Variants in MAK observed in about 807,000 individuals in gnomAD.
MAK encodes the protein serine/threonine-protein kinase MAK.
MAK carries 65 observed loss-of-function variants against 82.6 expected under a neutral mutation model. The observed-to-expected ratio is 0.79, with a 90% confidence interval of 0.64 to 0.97. The LOEUF (loss-of-function observed/expected upper bound fraction) is 0.97. Among genes scored for constraint, MAK ranks in the 50% least tolerant of loss-of-function variants. MAK has a pLI of 0.00. For missense variants in MAK, 703 were observed against 780.2 expected, an observed-to-expected ratio of 0.90 and a Z score of 1.18; for synonymous variants, 250 against 274.2, an observed-to-expected ratio of 0.91 and a Z score of 0.87.
chr6:10,764,576 C>A lies in MAK; in HGVS notation c.1823G>T (p.Gly608Val). The A allele has an allele frequency of 6.2e-7, 1 of 1,613,924 alleles. No individual in the cohort carries two copies. The highest frequency in any genetic ancestry group is 8.5e-7 in the Non-Finnish European group (1 of 1,179,908). ...ATTATAAGTACGTCCTGAAAACTGC[C>A]CCCGACCAGTTTTTGTGTTCCAGGT... ...EYTWNTKTGRGQFSGRTYNPT... is the reference protein window; with the variant it reads ...EYTWNTKTGRVQFSGRTYNPT... The change falls in exon 15 of 15, where the codon GGG becomes GTG. Residue 608 changes from glycine (G) to valine (V), a missense_variant. Physicochemically the swap from Gly to Val is moderately radical, Grantham distance 109 (BLOSUM62 -3). Coordinates refer to ENST00000354489, the MANE Select transcript of MAK (RefSeq NM_001242957.3).
At chr6:10,817,771 C>T in intron 4 of MAK, 79 bp downstream of exon 4, 1 of 1,167,402 alleles carries the variant, frequency 8.6e-7, no homozygotes, top group South Asian at 1.3e-5. Flanking sequence ...CAATCTTTCT[C>T]TCATAAAGTA....
rs1157340019 is a variant in MAK at position 10,800,046 on chromosome 6, TCAAAAACAAAAA to T, written c.831+1834_831+1845del. ...CTGGGCGATGGAGCGAGACTCCGTTTCAAAAACAAAAACAAAAACAAAAAAAAACTAAACAAA... is the reference window on the plus strand; with the variant it reads ...CTGGGCGATGGAGCGAGACTCCGTTTCAAAAACAAAAAAAAACTAAACAAA... On this transcript the variant is annotated intron_variant, in intron 8 of 14. Coordinates refer to ENST00000354489, the MANE Select transcript of MAK (RefSeq NM_001242957.3). The surrounding 1 kb of genome is among the most constrained non-coding windows in gnomAD (Gnocchi z 4.2). 6.9e-6 allele frequency among the ~76,000 whole-genome samples: 1 copy of T among 144,302 alleles called. No individual in the cohort carries two copies. The highest frequency in any genetic ancestry group is 1.5e-5 in the Non-Finnish European group (1 of 66,464). The allele number at this position is 144,302 out of a possible 152,430, so 94.7% of individuals were successfully genotyped here. A position where few individuals can be genotyped will look rare whatever the true frequency, so the allele number is the denominator to read the frequency against.
intron 11 of MAK, among the ~76,000 whole-genome samples, chr6:10,783,551 C>T (rs1171782150): frequency 6.6e-6 from 1 of 152,176 alleles, no homozygotes; most frequent in Non-Finnish European, 1.5e-5. Flanking sequence ...CTATTGGTTC[C>T]AGTACCAAAA....
rs554384547 is a variant in MAK, at chr6:10,804,748, T to C, written c.492-857A>G. On this transcript the variant is annotated intron_variant, in intron 6 of 14. Coordinates refer to ENST00000354489, the MANE Select transcript of MAK (RefSeq NM_001242957.3). ...TGGAAGACACTCTCAATTCTCTTTT[T>C]TTCCAACCAAAATGTGTAAATATTT... Among the ~76,000 whole-genome samples, 368 of 152,334 alleles carry C rather than the reference T, an allele frequency of 2.4e-3. 2 individuals carry two copies. Among genetic ancestry groups the C allele is most frequent in the Non-Finnish European group, 4.4e-3 (300 of 68,032 alleles).
chr6:10,830,801 C>A lies in MAK; in HGVS notation c.-153G>T. The A allele has an allele frequency of 1.4e-6, 1 of 693,564 alleles. No homozygotes were observed. The highest frequency in any genetic ancestry group is 1.5e-5 in the South Asian group (1 of 65,924). The allele number at this position is 693,564 out of a possible 1,614,324, so 43.0% of individuals were successfully genotyped here. On this transcript the variant is annotated 5_prime_UTR_variant, in exon 2 of 15. Coordinates refer to ENST00000354489, the MANE Select transcript of MAK (RefSeq NM_001242957.3). ...GTCATCATTAAATATAGTCTCTCCC[C>A]CAAGATTACAGAGGTTCATGAGATA...
At chr6:10,813,120 ATATATATATATATAAATTTT>A (rs1561987374) in intron 5 of MAK, among the ~76,000 whole-genome samples, 135 of 1,582 alleles carry the variant, frequency 0.085, 14 homozygotes, top group Non-Finnish European at 0.12. Context: ...ATATATATAT[ATATATATATATATAAATTTT>A]TTTTTTTTTT....
intron 5 of MAK, among the ~76,000 whole-genome samples, chr6:10,810,097 CA>C (rs1289360594): frequency 0.017 from 609 of 36,042 alleles, 18 homozygotes; most frequent in Admixed American, 0.13. Context: ...GACACTGTCT[CA>C]AAAAAAAAAA....
chr6:10,828,813 A>G (rs1581773695), intron 2 of MAK, among the ~76,000 whole-genome samples: 1 of 152,130 alleles, frequency 6.6e-6, no homozygotes, highest in African/African-American at 2.4e-5. Context: ...AGAGGGGGGA[A>G]ATGTGGACAC....
Position 10,796,032 on chromosome 6 carries a change from G to A in MAK, c.1109C>T (p.Thr370Met), listed in dbSNP as rs201494324. Residue 370 changes from threonine to methionine, a missense_variant, in exon 9 of 15, where the codon ACG (threonine) becomes ATG (methionine). Transcript: ENST00000354489. ...KQQSQEKPPQ[T>M]LFPSIVKNMP... ...GTTTTTGACGATGCTCGGGAATAGC[G>A]TTTGTGGCGGTTTCTCCTGACTCTG... The A allele has an allele frequency of 5.4e-5, 87 of 1,614,038 alleles. No homozygotes were observed. The highest frequency in any genetic ancestry group is 8.0e-5 in the African/African-American group (6 of 75,044).
intron 8 of MAK, among the ~76,000 whole-genome samples, chr6:10,796,805 C>CAA (rs70991046): frequency 3.1e-4 from 38 of 122,498 alleles, no homozygotes; most frequent in African/African-American, 1.1e-3. Context: ...GACTCCACCT[C>CAA]AAAAAAAAAA....
At position 10,796,106 on chromosome 6, in the gene MAK, C is replaced by T. The variant is rs139604404; in HGVS notation, c.1035G>A (p.Gln345=). ...PQPKTSQQPL[Q]PIQPPQNLSV... ...TCAGGTTCTGTGGCGGCTGAATGGG[C>T]TGCAGTGGCTGCTGGCTAGTTTTTG... is the stretch of plus-strand genomic sequence containing the variant. Residue 345 remains glutamine, a synonymous_variant, in exon 9 of 15, where the codon CAG becomes CAA. Coordinates refer to ENST00000354489, the MANE Select transcript of MAK (RefSeq NM_001242957.3). The T allele has an allele frequency of 3.7e-6, 6 of 1,614,130 alleles. No individual in the cohort carries two copies. The highest frequency in any genetic ancestry group is 2.7e-5 in the African/African-American group (2 of 75,040).
chr6:10,801,812 C>G (rs569418), intron 8 of MAK, 80 bp downstream of exon 8: 1,112,881 of 1,352,498 alleles, frequency 0.82, 458,302 homozygotes, highest in South Asian at 0.86. Flanking sequence ...TGAGAATAGA[C>G]CTGCCTTTGT....
At chr6:10,823,627 T>C (rs1459159883) in intron 2 of MAK, among the ~76,000 whole-genome samples, 1 of 152,180 alleles carries the variant, frequency 6.6e-6, no homozygotes, top group Non-Finnish European at 1.5e-5. Context: ...CCTCCTGGGT[T>C]CAAGTGATTC....
chr6:10,802,172 T>C, intron 7 of MAK, 113 bp from the exon 8 acceptor site: 1 of 777,926 alleles, frequency 1.3e-6, no homozygotes, highest in Non-Finnish European at 2.1e-6. Flanking sequence ...AACATTTTCA[T>C]GTTGATCCAT....
intron 1 of MAK, among the ~76,000 whole-genome samples, chr6:10,835,771 G>A (rs897051306): frequency 7.2e-5 from 11 of 152,088 alleles, no homozygotes; most frequent in African/African-American, 2.4e-4. Context: ...TGATGGTAGC[G>A]AGTGTTATTC....
intron 10 of MAK, among the ~76,000 whole-genome samples, chr6:10,789,349 A>G (rs766873791): frequency 2.6e-5 from 4 of 152,104 alleles, no homozygotes; most frequent in Non-Finnish European, 5.9e-5. Flanking sequence ...TATATTTGAA[A>G]GAATACACAT....
intron 10 of MAK, among the ~76,000 whole-genome samples, chr6:10,788,912 C>A (rs1774833184): frequency 1.3e-5 from 2 of 152,022 alleles, no homozygotes; most frequent in Admixed American, 6.6e-5. Flanking sequence ...TTCTTGTTAA[C>A]AGCAGATAGA....
chr6:10,804,296 T>C (rs539938132), intron 6 of MAK, among the ~76,000 whole-genome samples: 1 of 152,316 alleles, frequency 6.6e-6, no homozygotes, highest in Non-Finnish European at 1.5e-5. Flanking sequence ...TGGAGTTTTT[T>C]TTTATCAGTT....
chr6:10,774,111 T>C (rs912967653), intron 12 of MAK, among the ~76,000 whole-genome samples: 5 of 152,166 alleles, frequency 3.3e-5, no homozygotes, highest in African/African-American at 1.2e-4. Context: ...AAATTATATC[T>C]TTATTTATAC....
Sources: gnomAD v4.1 joint callset for allele counts (sites outside exome capture counted in the v4.1 genomes callset) on GRCh38, gnomAD v4.1.1 for gene constraint, Gnocchi (gnomAD v3.1) non-coding constraint, MANE v1.5 for transcripts, NCBI Gene and HGNC (gene_info 2026-07-23, HGNC 2026-07-21) for gene names.